The following EXOC6 variants were observed in gnomAD, a reference collection of about 807,000 sequenced individuals.
EXOC6 encodes exocyst complex component 6, also known as SEC15-like 1.
A neutral mutation model predicts 112.5 loss-of-function variants in EXOC6; 60 were observed. The ratio of observed to expected loss-of-function variants is 0.53; its 90% CI spans 0.43 to 0.66. EXOC6 has a LOEUF of 0.66. EXOC6 is among the 30% of genes least tolerant of loss of function. The pLI, the probability that EXOC6 is intolerant of heterozygous loss-of-function variation, is 0.00. For missense variants in EXOC6, 855 were observed against 957.1 expected (o/e 0.89, Z 1.41); for synonymous variants, 295 against 308.0 (o/e 0.96, Z 0.44).
At chr10:93,039,495 G>T (rs1360257057) in intron 20 of EXOC6, among the ~76,000 whole-genome samples, 1 of 152,120 alleles carries the variant, frequency 6.6e-6, no homozygotes, top group African/African-American at 2.4e-5. Flanking sequence ...TGCCCTTGCT[G>T]CTGCTCCAGA....
At chr10:92,928,970 T>A (rs1851873486) in intron 9 of EXOC6, among the ~76,000 whole-genome samples, 1 of 152,204 alleles carries the variant, frequency 6.6e-6, no homozygotes, top group African/African-American at 2.4e-5. Context: ...AAAACCCAAA[T>A]GAAGGCAGAA....
intron 8 of EXOC6, among the ~76,000 whole-genome samples, chr10:92,923,252 A>C (rs1851540633): frequency 6.6e-6 from 1 of 151,978 alleles, no homozygotes; most frequent in African/African-American, 2.4e-5. Flanking sequence ...TGTTCCTTTC[A>C]CTTTCTTCAC....
intron 9 of EXOC6, among the ~76,000 whole-genome samples, chr10:92,930,733 C>G (rs1327571722): frequency 6.6e-6 from 1 of 151,720 alleles, no homozygotes; most frequent in Non-Finnish European, 1.5e-5. Flanking sequence ...TAGTATTTTC[C>G]TATGTGAGTT....
chr10:92,935,149 G>T (rs368700979), intron 11 of EXOC6, among the ~76,000 whole-genome samples: 1 of 151,918 alleles, frequency 6.6e-6, no homozygotes, highest in East Asian at 1.9e-4. Context: ...TAAATAAGCT[G>T]CATTTTTATT....
intron 7 of EXOC6, among the ~76,000 whole-genome samples, chr10:92,918,441 T>C (rs1054437773): frequency 6.7e-6 from 1 of 148,234 alleles, no homozygotes; most frequent in Non-Finnish European, 1.5e-5. Context: ...TGAGACAGGG[T>C]CTTACTCTGT....
intron 17 of EXOC6, among the ~76,000 whole-genome samples, chr10:92,968,692 T>C (rs557812227): frequency 6.6e-6 from 1 of 152,206 alleles, no homozygotes; most frequent in Non-Finnish European, 1.5e-5. Context: ...GAAAACTAAT[T>C]TGTTTTAGCC....
At chr10:93,008,574 G>A (rs2134215908) in intron 19 of EXOC6, among the ~76,000 whole-genome samples, 1 of 152,212 alleles carries the variant, frequency 6.6e-6, no homozygotes, top group East Asian at 1.9e-4. Flanking sequence ...AAAGTAATTT[G>A]ACGATAGTAC....
intron 18 of EXOC6, among the ~76,000 whole-genome samples, chr10:92,975,289 T>C (rs1485527077): frequency 7.2e-5 from 10 of 139,398 alleles, no homozygotes; most frequent in East Asian, 2.3e-4. Context: ...GCGTCTCTGC[T>C]CGGCCGCCCC....
chr10:93,035,265 G>A (rs1320895285), intron 20 of EXOC6, among the ~76,000 whole-genome samples: 1 of 152,158 alleles, frequency 6.6e-6, no homozygotes, highest in Non-Finnish European at 1.5e-5. Flanking sequence ...GTAGGTGATA[G>A]GTGCTTATGC....
chr10:92,871,878 A>G (rs928722681), intron 1 of EXOC6, among the ~76,000 whole-genome samples: 1 of 152,008 alleles, frequency 6.6e-6, no homozygotes, highest in Non-Finnish European at 1.5e-5. Flanking sequence ...TGTCAGTCCT[A>G]ATTTTAGTAT....
chr10:92,859,929 A>G (rs972306066), intron 1 of EXOC6, among the ~76,000 whole-genome samples: 2 of 151,842 alleles, frequency 1.3e-5, no homozygotes, highest in Admixed American at 6.6e-5. Context: ...ACAAGGTACA[A>G]CTGTGAGTCC....
At chr10:92,849,172 C>A (rs1218770839) in intron 1 of EXOC6, among the ~76,000 whole-genome samples, 1 of 152,092 alleles carries the variant, frequency 6.6e-6, no homozygotes. Context: ...CCTACTCCCC[C>A]GCGCGGCCGC....
rs1846662581 is a variant in EXOC6, at chr10:93,058,896, A to G, written c.*541A>G. 6.6e-6 allele frequency: 1 copy of G among 152,240 alleles called. No individual in the cohort carries two copies. Among genetic ancestry groups the G allele is most frequent in the Non-Finnish European group, 1.5e-5 (1 of 68,042 alleles). 9.4% of individuals were successfully genotyped at this position (152,240 alleles called of 1,614,324 possible). On this transcript the variant is annotated 3_prime_UTR_variant, in exon 22 of 22. Coordinates refer to ENST00000260762, the MANE Select transcript of EXOC6 (RefSeq NM_019053.6). ...AGCTGCCTGAAATCAAACTTGATTTAACTCAGTAAGAATGTGAATTATTTG... is the reference window on the plus strand; with the variant it reads ...AGCTGCCTGAAATCAAACTTGATTTGACTCAGTAAGAATGTGAATTATTTG...
chr10:92,876,700 G>T (rs2133749069), intron 1 of EXOC6, among the ~76,000 whole-genome samples: 1 of 152,314 alleles, frequency 6.6e-6, no homozygotes, highest in Admixed American at 6.5e-5. Flanking sequence ...ACAGTAAAGT[G>T]ATGTAGGTTC....
chr10:92,975,359 C>T (rs1198891688), intron 18 of EXOC6, among the ~76,000 whole-genome samples: 6 of 149,952 alleles, frequency 4.0e-5, no homozygotes, highest in South Asian at 2.1e-4. Context: ...GTGAGGAGCC[C>T]CTCCGCCCGG....
chr10:92,974,231 C>T lies in EXOC6; in HGVS notation c.1952C>T (p.Pro651Leu). Residue 651 changes from proline (P) to leucine (L), a missense_variant and splice_region_variant, in exon 18 of 22, where the codon CCT (proline) becomes CTT (leucine). Coordinates refer to ENST00000260762, the MANE Select transcript of EXOC6 (RefSeq NM_019053.6). ...RSIFQVFTHL[P>L]GKVAQTACMS... ...ATCTTTCAAGTGTTTACTCATTTGC[C>T]TGTAAGTATAAAAATTTTCAAAAAT... The T allele has an allele frequency of 6.5e-7, 1 of 1,534,924 alleles. No homozygotes were observed. Among genetic ancestry groups the T allele is most frequent in the Non-Finnish European group, 8.7e-7 (1 of 1,151,558 alleles).
At chr10:92,878,722 G>A (rs1472526388) in intron 1 of EXOC6, among the ~76,000 whole-genome samples, 1 of 152,126 alleles carries the variant, frequency 6.6e-6, no homozygotes. Context: ...GTGGCGGGGA[G>A]AGCCCTCTCC....
At chr10:92,993,421 G>A (rs866070065) in intron 18 of EXOC6, among the ~76,000 whole-genome samples, 24 of 152,212 alleles carry the variant, frequency 1.6e-4, no homozygotes, top group Non-Finnish European at 1.5e-4. Flanking sequence ...GAGAATGAAA[G>A]CAGCATTGTA....
chr10:92,943,497 A>G (rs915059743), intron 13 of EXOC6, among the ~76,000 whole-genome samples: 1 of 152,120 alleles, frequency 6.6e-6, no homozygotes, highest in East Asian at 1.9e-4. Flanking sequence ...TAACCTGACT[A>G]CTGTTACATT....
Sources: gnomAD v4.1 joint callset for allele counts (sites outside exome capture counted in the v4.1 genomes callset) on GRCh38, gnomAD v4.1.1 for gene constraint, MANE v1.5 for transcripts, NCBI Gene and HGNC (gene_info 2026-07-23, HGNC 2026-07-21) for gene names.